RMI2: variants seen among roughly 807,000 people sequenced by gnomAD.
RMI2 encodes the protein RecQ mediated genome instability 2, also known as recQ-mediated genome instability protein 2.
Under a neutral mutation model 8.4 loss-of-function variants are expected in RMI2, and 11 were observed. The observed-to-expected ratio is 1.32, with a 90% CI of 0.83 to 2.18. The LOEUF is 2.18. RMI2 is among the 30% of genes most tolerant of loss of function. The pLI is 0.00. For synonymous variants in RMI2, 105 were observed against 93.8 expected (o/e 1.12, Z -0.69); for missense variants, 253 against 207.5 (o/e 1.22, Z -1.35).
In RMI2 at chr16:11,349,495, CTTGT is replaced by C. The variant is rs138072701; in HGVS notation, c.296-1144_296-1141del. ...CTCTCCCGGTTGGAATGCCCTTGGGCTTGTTTTTCTCTTCGTGGGCCTTCAGTCA... is the reference window on the plus strand; with the variant it reads ...CTCTCCCGGTTGGAATGCCCTTGGGCTTTTCTCTTCGTGGGCCTTCAGTCA... On this transcript the variant is annotated intron_variant, in intron 1 of 1. Transcript: ENST00000312499. This position sits in a 1 kb window ranked among gnomAD's most constrained non-coding sequence, Gnocchi z 4.2. Among the ~76,000 whole-genome samples the C allele has an allele frequency of 8.7e-3, 1,320 of 152,288 alleles. 28 individuals carry two copies. The highest frequency in any genetic ancestry group is 0.03 in the African/African-American group (1,254 of 41,558).
In RMI2 at chr16:11,350,738, A is replaced by T; in HGVS notation, c.392A>T (p.His131Leu). 6.2e-7 allele frequency: 1 copy of T among 1,613,628 alleles called. No homozygotes were observed. The highest frequency in any genetic ancestry group is 1.1e-5 in the South Asian group (1 of 91,028). The change falls in exon 2 of 2, where the codon CAT becomes CTT. Residue 131 changes from histidine (H) to leucine (L), a missense_variant. Coordinates refer to ENST00000312499, the MANE Select transcript of RMI2 (RefSeq NM_152308.3). ...KMTDLSDNPI[H>L]ESMWELEVED... ...ACAGACCTTTCTGATAATCCCATCCATGAAAGTATGTGGGAACTGGAGGTA... is the reference window on the plus strand; with the variant it reads ...ACAGACCTTTCTGATAATCCCATCCTTGAAAGTATGTGGGAACTGGAGGTA...
rs1268904506 is a variant in RMI2 at position 11,349,785 on chromosome 16, G to T, written c.296-857G>T. On this transcript the variant is annotated intron_variant, in intron 1 of 1. Transcript: ENST00000312499. The surrounding 1 kb of genome is among the most constrained non-coding windows in gnomAD (Gnocchi z 4.2). ...GGGCAGGCAGCAGGGCTGGCACCGGGCCTGTCCTTCCTGCAGCATTTGGAG... is the reference window on the plus strand; with the variant it reads ...GGGCAGGCAGCAGGGCTGGCACCGGTCCTGTCCTTCCTGCAGCATTTGGAG... Among the ~76,000 whole-genome samples the T allele has an allele frequency of 6.6e-6, 1 of 152,196 alleles. No homozygotes were observed. Among genetic ancestry groups the T allele is most frequent in the Non-Finnish European group, 1.5e-5 (1 of 68,038 alleles).
chr16:11,345,494 T>C lies in RMI2; in HGVS notation c.23T>C (p.Phe8Ser), dbSNP rs2070847163. ...GGAATGGCGGCGGCTGCGGACTCGT[T>C]CTCAGGCGGCCCCGCGGGGGTGCGG... MAAAADS[F>S]SGGPAGVRLP... The change falls in exon 1 of 2, where the codon TTC (phenylalanine) becomes TCC (serine). Residue 8 changes from phenylalanine (F) to serine (S), a missense_variant. Physicochemically the swap from Phe to Ser is radical, Grantham distance 155. Coordinates refer to ENST00000312499, the MANE Select transcript of RMI2 (RefSeq NM_152308.3). The C allele has an allele frequency of 1.5e-6, 2 of 1,316,262 alleles. No homozygotes were observed. Among genetic ancestry groups the C allele is most frequent in the Admixed American group, 6.1e-5 (2 of 32,614 alleles). 81.5% of individuals were successfully genotyped at this position (1,316,262 alleles called of 1,614,324 possible).
In RMI2 at chr16:11,345,560, T is replaced by TGCGGC. The variant is rs1165258033; in HGVS notation, c.93_97dup (p.Asp33GlyfsTer34). The TGCGGC allele has an allele frequency of 8.1e-7, 1 of 1,230,946 alleles. No homozygotes were observed. Among genetic ancestry groups the TGCGGC allele is most frequent in the Non-Finnish European group, 1.0e-6 (1 of 987,580 alleles). The allele number at this position is 1,230,946 out of a possible 1,614,324, so 76.3% of individuals were successfully genotyped here. A position where few individuals can be genotyped will look rare whatever the true frequency, so the allele number is the denominator to read the frequency against. On this transcript the variant is annotated frameshift_variant, in exon 1 of 2. Coordinates refer to ENST00000312499, the MANE Select transcript of RMI2 (RefSeq NM_152308.3). LOFTEE classifies it high-confidence loss of function. Reference sequence around the variant, plus strand: ...CCACTCAAGGTGCTGGCGGAGCAGCTGCGGCGCGACGCGGAGGGCGGCCCG... The same window carrying TGCGGC: ...CCACTCAAGGTGCTGGCGGAGCAGCTGCGGCGCGGCGCGACGCGGAGGGCGGCCCG...
chr16:11,348,270 C>A (rs1446726228), intron 1 of RMI2: 1 of 152,246 alleles, frequency 6.6e-6, no homozygotes, highest in Non-Finnish European at 1.5e-5. Flanking sequence ...ATATTTGTCT[C>A]GCCCTTTACA....
At position 11,350,971 on chromosome 16, in the gene RMI2, A is replaced by G. The variant is rs2070963892; in HGVS notation, c.*181A>G. 1 of 489,312 alleles carries G rather than the reference A, an allele frequency of 2.0e-6. No homozygotes were observed. The highest frequency in any genetic ancestry group is 3.6e-6 in the Non-Finnish European group (1 of 279,950). 30.3% of individuals were successfully genotyped at this position (489,312 alleles called of 1,614,324 possible). A position where few individuals can be genotyped will look rare whatever the true frequency, so the allele number is the denominator to read the frequency against. ...GTTTAAATCCTCGGATACTTCAGTG[A>G]CACAGCCTCTGCTGCCCCTTGCTTT... On this transcript the variant is annotated 3_prime_UTR_variant, in exon 2 of 2. Coordinates refer to ENST00000312499, the MANE Select transcript of RMI2 (RefSeq NM_152308.3).
intron 1 of RMI2, 95 bp downstream of exon 1, chr16:11,345,861 G>A (rs1204953754): frequency 2.8e-5 from 30 of 1,053,574 alleles, no homozygotes; most frequent in Middle Eastern, 6.8e-4. Flanking sequence ...CTCGAACGGG[G>A]GCGGGGCGGG....
At chr16:11,345,866 G>A in intron 1 of RMI2, 100 bp downstream of exon 1, 2 of 1,015,664 alleles carry the variant, frequency 2.0e-6, no homozygotes, top group South Asian at 5.1e-5. Context: ...ACGGGGGCGG[G>A]GCGGGTCTGG....
In RMI2 at chr16:11,345,714, C is replaced by T. The variant is rs1252588375; in HGVS notation, c.243C>T (p.Phe81=). Residue 81 remains phenylalanine, a synonymous_variant, in exon 1 of 2, where the codon TTC becomes TTT. Coordinates refer to ENST00000312499, the MANE Select transcript of RMI2 (RefSeq NM_152308.3). ...EARLRDPSGD[F]SVRGLERVPR... ...GGCTGAGGGACCCGAGCGGGGACTT[C>T]TCGGTCCGCGGCCTGGAGCGGGTGC... is the stretch of plus-strand genomic sequence containing the variant. 1.6e-5 allele frequency: 20 copies of T among 1,255,154 alleles called. No individual in the cohort carries two copies. Among genetic ancestry groups the T allele is most frequent in the Non-Finnish European group, 1.7e-5 (17 of 1,001,514 alleles). The allele number at this position is 1,255,154 out of a possible 1,614,324, so 77.8% of individuals were successfully genotyped here.
intron 1 of RMI2, among the ~76,000 whole-genome samples, chr16:11,347,987 G>T (rs776444691): frequency 6.6e-6 from 1 of 152,162 alleles, no homozygotes; most frequent in East Asian, 1.9e-4. Flanking sequence ...CAACATGTTG[G>T]CTAGACTGGT....
chr16:11,346,173 G>A (rs2070864991), intron 1 of RMI2, among the ~76,000 whole-genome samples: 1 of 151,790 alleles, frequency 6.6e-6, no homozygotes, highest in South Asian at 2.1e-4. Context: ...GTCCTCCCTA[G>A]CCCCTAGGAA....
At chr16:11,346,656 C>T (rs1360520982) in intron 1 of RMI2, among the ~76,000 whole-genome samples, 1 of 152,202 alleles carries the variant, frequency 6.6e-6, no homozygotes, top group African/African-American at 2.4e-5. Context: ...GCTCCACCCT[C>T]AGGGTTTGTG....
chr16:11,345,934 C>G (rs1436046379), intron 1 of RMI2, among the ~76,000 whole-genome samples, 168 bp downstream of exon 1: 1 of 89,244 alleles, frequency 1.1e-5, no homozygotes. Flanking sequence ...GCTCCGGTCC[C>G]TCCTTGGTGA....
rs918495389 is a variant in RMI2 at position 11,349,613 on chromosome 16, G to A, written c.296-1029G>A. Among the ~76,000 whole-genome samples, 2 of 152,186 alleles carry A rather than the reference G, an allele frequency of 1.3e-5. No homozygotes were observed. Among genetic ancestry groups the A allele is most frequent in the East Asian group, 1.9e-4 (1 of 5,190 alleles). On this transcript the variant is annotated intron_variant, in intron 1 of 1. Coordinates refer to ENST00000312499, the MANE Select transcript of RMI2 (RefSeq NM_152308.3). The surrounding 1 kb of genome is among the most constrained non-coding windows in gnomAD (Gnocchi z 4.2). ...CATTTTCAGAACTAGCCTCTGTCAC[G>A]GAGGGACCCAGGTGGAATGTGGGGT...
intron 1 of RMI2, 140 bp downstream of exon 1, chr16:11,345,906 C>T (rs2070857574): frequency 1.6e-6 from 1 of 610,066 alleles, no homozygotes; most frequent in East Asian, 3.5e-5. Context: ...CCCTGCGGGT[C>T]CCCGCTTGGG....
intron 1 of RMI2, chr16:11,348,853 G>A (rs7189989): frequency 0.84 from 127,973 of 152,428 alleles, 53,807 homozygotes; most frequent in Middle Eastern, 0.95. Flanking sequence ...GCTCCATGGA[G>A]CAGCCTGTGC....
intron 1 of RMI2, chr16:11,348,301 G>T (rs1384595036): frequency 1.3e-5 from 2 of 152,216 alleles, no homozygotes; most frequent in Admixed American, 6.5e-5. Flanking sequence ...GCCAACCCTT[G>T]GCCTTAGCCT....
chr16:11,348,389 C>T (rs1243654475), intron 1 of RMI2: 1 of 152,368 alleles, frequency 6.6e-6, no homozygotes, highest in South Asian at 2.1e-4. Context: ...GGGGCAGTCT[C>T]CTATCTGGTC....
At chr16:11,347,101 T>C (rs923714280) in intron 1 of RMI2, among the ~76,000 whole-genome samples, 3 of 152,232 alleles carry the variant, frequency 2.0e-5, no homozygotes, top group African/African-American at 7.2e-5. Flanking sequence ...CAGCCCCTCA[T>C]GTGCAGTGTT....
Sources: gnomAD v4.1 joint callset for allele counts (sites outside exome capture counted in the v4.1 genomes callset) on GRCh38, gnomAD v4.1.1 for gene constraint, Gnocchi (gnomAD v3.1) non-coding constraint, MANE v1.5 for transcripts, NCBI Gene and HGNC (gene_info 2026-07-23, HGNC 2026-07-21) for gene names.